SCD5: variants seen among roughly 807,000 people sequenced by gnomAD.
SCD5 encodes the protein acyl-CoA-desaturase 4.
A neutral mutation model predicts 30.4 loss-of-function variants in SCD5; 20 were observed. The ratio of observed to expected loss-of-function variants is 0.66; its 90% CI spans 0.46 to 0.96. The LOEUF (loss-of-function observed/expected upper bound fraction) is 0.96, where lower values mean the gene tolerates loss of function less well. Ranked by LOEUF, SCD5 falls within the 40% of genes least tolerant of loss-of-function variation. The pLI, the probability that SCD5 is intolerant of heterozygous loss-of-function variation, is 0.00. For missense variants in SCD5, 381 were observed against 443.3 expected (o/e 0.86, Z 1.26); for synonymous variants, 173 against 176.4 (o/e 0.98, Z 0.16).
chr4:82,785,681 A>C (rs1031953203), intron 1 of SCD5, among the ~76,000 whole-genome samples: 1 of 152,096 alleles, frequency 6.6e-6, no homozygotes, highest in African/African-American at 2.4e-5. Context: ...TGGAGAGAAA[A>C]TTATTTTTTC....
chr4:82,649,498 AG>A (rs1560523915), intron 3 of SCD5, among the ~76,000 whole-genome samples: 1 of 152,152 alleles, frequency 6.6e-6, no homozygotes, highest in Non-Finnish European at 1.5e-5. Context: ...CATTTTTCAG[AG>A]GGGCATTACC....
intron 3 of SCD5, among the ~76,000 whole-genome samples, chr4:82,667,772 T>A (rs189547510): frequency 1.3e-5 from 2 of 152,010 alleles, no homozygotes; most frequent in Non-Finnish European, 2.9e-5. Context: ...TTATTCTCAA[T>A]TTTTTTTGTT....
chr4:82,728,871 A>G (rs1296669439), intron 1 of SCD5, among the ~76,000 whole-genome samples: 2 of 152,194 alleles, frequency 1.3e-5, no homozygotes, highest in Non-Finnish European at 2.9e-5. Context: ...TTGTCTGTGC[A>G]GTGGGCAGGA....
intron 1 of SCD5, among the ~76,000 whole-genome samples, chr4:82,753,844 G>A (rs1002344671): frequency 5.9e-5 from 9 of 152,272 alleles, no homozygotes; most frequent in East Asian, 1.9e-4. Context: ...CAGACAGGGC[G>A]TATTCCATTT....
rs562978105 is a variant in SCD5, at chr4:82,698,464, G to A, written c.363+6819C>T. ...ATCCTGAAACAGGCACAAACTCTTT[G>A]GGGTCTCCTGACTGTGTTCTGAGGC... On this transcript the variant is annotated intron_variant, in intron 2 of 4. Coordinates refer to ENST00000319540, the MANE Select transcript of SCD5 (RefSeq NM_001037582.3). Among the ~76,000 whole-genome samples the A allele has an allele frequency of 2.6e-5, 4 of 152,250 alleles. No individual in the cohort carries two copies. In the East Asian group the frequency reaches 7.7e-4, roughly 29 times the overall value.
At chr4:82,689,014 G>A (rs1401326734) in intron 2 of SCD5, among the ~76,000 whole-genome samples, 2 of 152,148 alleles carry the variant, frequency 1.3e-5, no homozygotes, top group African/African-American at 4.8e-5. Context: ...CTAGTCTCCT[G>A]AACTAGATCT....
At chr4:82,779,586 A>T (rs1277304065) in intron 1 of SCD5, among the ~76,000 whole-genome samples, 2 of 152,330 alleles carry the variant, frequency 1.3e-5, no homozygotes, top group African/African-American at 4.8e-5. Flanking sequence ...CTCTGTAGGA[A>T]GTCAGAACCT....
At chr4:82,746,472 T>C (rs926261241) in intron 1 of SCD5, among the ~76,000 whole-genome samples, 6 of 152,340 alleles carry the variant, frequency 3.9e-5, no homozygotes, top group African/African-American at 7.2e-5. Context: ...CGATGACATA[T>C]TTTTATGCTC....
intron 2 of SCD5, chr4:82,698,138 C>A (rs1056160286): frequency 6.6e-6 from 3 of 456,334 alleles, no homozygotes; most frequent in African/African-American, 6.0e-5. Flanking sequence ...AGGAAGAAGG[C>A]AAACCTGTTT....
chr4:82,746,811 TC>T (rs1720992726), intron 1 of SCD5, among the ~76,000 whole-genome samples: 1 of 152,088 alleles, frequency 6.6e-6, no homozygotes, highest in Non-Finnish European at 1.5e-5. Flanking sequence ...CCACCCTTGG[TC>T]CTGCGCCCAT....
chr4:82,777,272 G>A (rs1242591702), intron 1 of SCD5, among the ~76,000 whole-genome samples: 1 of 152,258 alleles, frequency 6.6e-6, no homozygotes, highest in Non-Finnish European at 1.5e-5. Flanking sequence ...AAAGTGTCAA[G>A]TTTCCCCTCC....
chr4:82,685,869 A>AT (rs1050512048), intron 2 of SCD5, among the ~76,000 whole-genome samples: 1 of 151,906 alleles, frequency 6.6e-6, no homozygotes, highest in South Asian at 2.1e-4. Flanking sequence ...GCTGTACATT[A>AT]TTTTTTTTCC....
intron 1 of SCD5, among the ~76,000 whole-genome samples, chr4:82,765,878 C>T (rs552905865): frequency 3.3e-4 from 51 of 152,294 alleles, no homozygotes; most frequent in African/African-American, 1.2e-3. Context: ...CCTTGGCCTC[C>T]CAAAGTGCTG....
At chr4:82,785,957 T>C (rs1020737515) in intron 1 of SCD5, among the ~76,000 whole-genome samples, 1 of 152,224 alleles carries the variant, frequency 6.6e-6, no homozygotes, top group Non-Finnish European at 1.5e-5. Flanking sequence ...AAAAGCTTCT[T>C]ACGAACCTAT....
chr4:82,708,256 A>T (rs1228952045), intron 1 of SCD5, among the ~76,000 whole-genome samples: 1 of 152,262 alleles, frequency 6.6e-6, no homozygotes, highest in Non-Finnish European at 1.5e-5. Flanking sequence ...TCAAAAATCC[A>T]TTATTTAAAG....
intron 3 of SCD5, among the ~76,000 whole-genome samples, chr4:82,673,909 T>C (rs1728382752): frequency 6.6e-6 from 1 of 152,122 alleles, no homozygotes; most frequent in African/African-American, 2.4e-5. Flanking sequence ...AGAGAAAAGG[T>C]AGTCTTTTTA....
intron 2 of SCD5, among the ~76,000 whole-genome samples, chr4:82,683,741 T>C (rs1578019901): frequency 6.6e-6 from 1 of 152,188 alleles, no homozygotes; most frequent in South Asian, 2.1e-4. Context: ...GCTGTTCTCA[T>C]GATATTGAGT....
At chr4:82,700,123 A>G (rs1719787067) in intron 2 of SCD5, among the ~76,000 whole-genome samples, 1 of 152,074 alleles carries the variant, frequency 6.6e-6, no homozygotes, top group African/African-American at 2.4e-5. Context: ...TGGCTTAGGC[A>G]TGAGAATCTC....
intron 1 of SCD5, among the ~76,000 whole-genome samples, chr4:82,712,243 CATATATAT>C (rs762732703): frequency 0.023 from 662 of 28,680 alleles, 14 homozygotes; most frequent in Non-Finnish European, 0.041. Context: ...GACCAACTAA[CATATATAT>C]ATATATATAT....
Sources: allele counts gnomAD v4.1 joint callset (sites outside exome capture counted in the v4.1 genomes callset), GRCh38; gene constraint gnomAD v4.1.1; transcripts MANE v1.5; gene names NCBI Gene and HGNC (gene_info 2026-07-23, HGNC 2026-07-21).